Variants in EPC2 observed in about 807,000 individuals in gnomAD.
The protein encoded by EPC2 is enhancer of polycomb 2, also known as enhancer of polycomb homolog 2.
A neutral mutation model predicts 92.1 loss-of-function variants in EPC2; 14 were observed. The ratio of observed to expected loss-of-function variants is 0.15; its 90% CI spans 0.10 to 0.24. The LOEUF (loss-of-function observed/expected upper bound fraction) is 0.24, where lower values mean the gene tolerates loss of function less well. Among genes scored for constraint, EPC2 ranks in the 10% least tolerant of loss-of-function variants. EPC2 has a pLI of 1.00. For synonymous variants in EPC2, 340 were observed against 334.7 expected, an observed-to-expected ratio of 1.02 and a Z score of -0.17; for missense variants, 755 against 971.5, an observed-to-expected ratio of 0.78 and a Z score of 2.96.
chr2:148,720,065 G>A (rs181939605), intron 2 of EPC2, among the ~76,000 whole-genome samples: 4 of 152,272 alleles, frequency 2.6e-5, no homozygotes, highest in Admixed American at 2.0e-4. Context: ...TGCCCAGGTA[G>A]CAGCCCTCCC....
At position 148,771,802 on chromosome 2, in the gene EPC2, A is replaced by ATT. The variant is rs201766598; in HGVS notation, c.1720+429_1720+430dup. On this transcript the variant is annotated intron_variant, in intron 10 of 13. Transcript: ENST00000258484. The stretch of plus-strand genomic sequence containing the variant: ...AATTTTAGGAGACTCCCTGTGAATA[A>ATT]TTTTTTTTTTTTTTTAGATGGAGTC... 1.5e-3 allele frequency among the ~76,000 whole-genome samples: 214 copies of ATT among 144,932 alleles called. 1 individual carries two copies. Among genetic ancestry groups the ATT allele is most frequent in the African/African-American group, 4.3e-3 (171 of 39,388 alleles).
chr2:148,671,094 T>A (rs538659075), intron 1 of EPC2, among the ~76,000 whole-genome samples: 9 of 152,344 alleles, frequency 5.9e-5, no homozygotes, highest in Admixed American at 1.3e-4. Context: ...AGGTTTAAGA[T>A]CAACCTTATT....
chr2:148,658,912 A>G (rs772286259), intron 1 of EPC2, among the ~76,000 whole-genome samples: 1 of 152,008 alleles, frequency 6.6e-6, no homozygotes, highest in Non-Finnish European at 1.5e-5. Context: ...TGTAGTAAAT[A>G]TAGAGTTTAG....
intron 2 of EPC2, among the ~76,000 whole-genome samples, chr2:148,712,513 A>G (rs1182042237): frequency 6.6e-6 from 1 of 152,194 alleles, no homozygotes; most frequent in East Asian, 1.9e-4. Context: ...TTGCTTAGTG[A>G]TGTCATAGCC....
At chr2:148,711,804 T>A (rs1219775867) in intron 2 of EPC2, among the ~76,000 whole-genome samples, 2 of 152,236 alleles carry the variant, frequency 1.3e-5, no homozygotes, top group Non-Finnish European at 2.9e-5. Flanking sequence ...TTATATCTTC[T>A]TGGAGAATTG....
At chr2:148,687,020 A>G (rs867628583) in intron 1 of EPC2, among the ~76,000 whole-genome samples, 1 of 152,188 alleles carries the variant, frequency 6.6e-6, no homozygotes, top group Non-Finnish European at 1.5e-5. Flanking sequence ...GGCATCTTCT[A>G]CCAGTAGAAG....
intron 8 of EPC2, 26 bp from the exon 9 acceptor site, chr2:148,770,766 G>GT (rs554693096): frequency 1.3e-6 from 2 of 1,583,516 alleles, no homozygotes; most frequent in Non-Finnish European, 8.5e-7. Context: ...TGAGTTTTTT[G>GT]TTTTTTGTTT....
chr2:148,698,938 AAAT>A lies in EPC2; in HGVS notation c.313+8569_313+8571del, dbSNP rs1275679841. Among the ~76,000 whole-genome samples, 5 of 151,802 alleles carry A rather than the reference AAAT, an allele frequency of 3.3e-5. No individual in the cohort carries two copies. The East Asian group carries it at 9.7e-4, about 29-fold the overall frequency. On this transcript the variant is annotated intron_variant, in intron 2 of 13. Coordinates refer to ENST00000258484, the MANE Select transcript of EPC2 (RefSeq NM_015630.4). ...GAGTAAGCATTTTTCCATTGTAATC[AAAT>A]AATTTTAATAGTCTTTGGAAGCTGT...
rs1386634038 is a variant in EPC2 at position 148,705,332 on chromosome 2, G to C, written c.313+14959G>C. Among the ~76,000 whole-genome samples, 5 of 152,246 alleles carry C rather than the reference G, an allele frequency of 3.3e-5. No individual in the cohort carries two copies. The East Asian group carries it at 9.6e-4, about 29-fold the overall frequency. ...ACTCTTACTTTCCCTACTAACAGTAGTTGAGTGATGATAAGTTTTAGAATA... is the reference window on the plus strand; with the variant it reads ...ACTCTTACTTTCCCTACTAACAGTACTTGAGTGATGATAAGTTTTAGAATA... On this transcript the variant is annotated intron_variant, in intron 2 of 13. Coordinates refer to ENST00000258484, the MANE Select transcript of EPC2 (RefSeq NM_015630.4).
At chr2:148,663,496 G>T (rs1680989429) in intron 1 of EPC2, among the ~76,000 whole-genome samples, 1 of 151,146 alleles carries the variant, frequency 6.6e-6, no homozygotes, top group African/African-American at 2.4e-5. Context: ...GGGATTACAG[G>T]CGTGAGCCAC....
At position 148,765,066 on chromosome 2, in the gene EPC2, C is replaced by T. The variant is rs769376292; in HGVS notation, c.1060C>T (p.Pro354Ser). 4.4e-6 allele frequency: 7 copies of T among 1,609,052 alleles called. No individual in the cohort carries two copies. In the Admixed American group the frequency reaches 1.0e-4, roughly 23 times the overall value. Residue 354 changes from proline (P) to serine (S), a missense_variant, in exon 7 of 14, where the codon CCT (proline) becomes TCT (serine). By Grantham distance (74) the Pro-to-Ser change is moderately conservative. Transcript: ENST00000258484. ...TTTGATAACATCTCAGCAACCCACT[C>T]CTGAGACATTGCCTGTGATCAATAA... is the stretch of plus-strand genomic sequence containing the variant. ...EALITSQQPT[P>S]ETLPVINKSD...
At chr2:148,698,530 G>A (rs1443439940) in intron 2 of EPC2, among the ~76,000 whole-genome samples, 2 of 151,032 alleles carry the variant, frequency 1.3e-5, no homozygotes, top group Admixed American at 1.3e-4. Flanking sequence ...CAGCTACTCC[G>A]GAGGCTGAGG....
chr2:148,774,863 G>A (rs1430301969), intron 10 of EPC2, among the ~76,000 whole-genome samples: 3 of 151,252 alleles, frequency 2.0e-5, no homozygotes, highest in Admixed American at 6.6e-5. Context: ...CGAGGCAGGC[G>A]GATCACGAGG....
intron 1 of EPC2, among the ~76,000 whole-genome samples, chr2:148,654,225 G>T (rs533247437): frequency 4.9e-4 from 74 of 152,184 alleles, no homozygotes; most frequent in African/African-American, 1.6e-3. Flanking sequence ...GGGATTACAG[G>T]TGTGAGCCAC....
At chr2:148,693,119 C>G (rs1016909706) in intron 2 of EPC2, among the ~76,000 whole-genome samples, 6 of 152,120 alleles carry the variant, frequency 3.9e-5, no homozygotes, top group African/African-American at 1.4e-4. Context: ...AAACTCATTA[C>G]TGATTTTTTC....
chr2:148,729,809 T>C (rs1217630005), intron 2 of EPC2, among the ~76,000 whole-genome samples: 1 of 152,246 alleles, frequency 6.6e-6, no homozygotes, highest in East Asian at 1.9e-4. Context: ...TCTGTAATTA[T>C]GAAAATCCTT....
At chr2:148,663,777 C>A (rs934262917) in intron 1 of EPC2, among the ~76,000 whole-genome samples, 2 of 151,994 alleles carry the variant, frequency 1.3e-5, no homozygotes, top group African/African-American at 4.8e-5. Context: ...TGGTATGAAA[C>A]TGTTCCATCT....
At chr2:148,766,014 C>T (rs1173924645) in intron 7 of EPC2, among the ~76,000 whole-genome samples, 1 of 151,940 alleles carries the variant, frequency 6.6e-6, no homozygotes, top group Non-Finnish European at 1.5e-5. Flanking sequence ...CCAGCCTGGG[C>T]GACAGAGCGA....
At chr2:148,646,403 A>T (rs1489396795) in intron 1 of EPC2, among the ~76,000 whole-genome samples, 2 of 152,160 alleles carry the variant, frequency 1.3e-5, no homozygotes, top group African/African-American at 2.4e-5. Context: ...TTACATTTTC[A>T]GTAGAAAATG....
Sources: allele counts gnomAD v4.1 joint callset (sites outside exome capture counted in the v4.1 genomes callset), GRCh38; gene constraint gnomAD v4.1.1; transcripts MANE v1.5; gene names NCBI Gene and HGNC (gene_info 2026-07-23, HGNC 2026-07-21).